Variants in PCDH9 observed in about 807,000 individuals in gnomAD.
PCDH9 encodes the protein protocadherin 9.
A neutral mutation model predicts 70.6 loss-of-function variants in PCDH9; 24 were observed. The observed-to-expected ratio is 0.34, with a 90% CI of 0.25 to 0.48. PCDH9 has a LOEUF of 0.48. Ranked by LOEUF, PCDH9 falls within the 20% of genes least tolerant of loss-of-function variation. The probability of loss-of-function intolerance (pLI) is 0.99; values close to 1 mark genes in which losing one functional copy is unlikely to be tolerated. For missense variants in PCDH9, 1,281 were observed against 1,503.6 expected (o/e 0.85, Z 2.45); for synonymous variants, 562 against 558.5 (o/e 1.01, Z -0.09).
chr13:67,183,739 GA>G (rs1430544409), intron 2 of PCDH9, among the ~76,000 whole-genome samples: 1 of 152,008 alleles, frequency 6.6e-6, no homozygotes, highest in Admixed American at 6.6e-5. Flanking sequence ...AGAAAATTTG[GA>G]AAAACACTTT....
intron 2 of PCDH9, among the ~76,000 whole-genome samples, chr13:66,936,604 T>G (rs1164717672): frequency 1.3e-5 from 2 of 152,150 alleles, no homozygotes; most frequent in South Asian, 2.1e-4. Flanking sequence ...TCTCTTTACA[T>G]AGGCATAGGA....
At chr13:66,570,707 A>G (rs781540454) in intron 4 of PCDH9, among the ~76,000 whole-genome samples, 1 of 152,182 alleles carries the variant, frequency 6.6e-6, no homozygotes, top group Non-Finnish European at 1.5e-5. Flanking sequence ...TTAACTTGAC[A>G]AAGTAGTTAG....
chr13:67,001,394 C>T lies in PCDH9; in HGVS notation c.3037-97789G>A, dbSNP rs116325437. Reference sequence around the variant, plus strand: ...GTTGTAAAGGGGCAAGAATAGGGAGCTATGCCATGCTGCAGGGAATCCCAA... The same window carrying T: ...GTTGTAAAGGGGCAAGAATAGGGAGTTATGCCATGCTGCAGGGAATCCCAA... On this transcript the variant is annotated intron_variant, in intron 2 of 4. Coordinates refer to ENST00000377865, the MANE Select transcript of PCDH9 (RefSeq NM_203487.3). Among the ~76,000 whole-genome samples the T allele has an allele frequency of 2.6e-3, 389 of 152,282 alleles. 5 individuals carry two copies. Among genetic ancestry groups the T allele is most frequent in the African/African-American group, 9.1e-3 (376 of 41,546 alleles).
chr13:66,978,153 C>T (rs952625455), intron 2 of PCDH9, among the ~76,000 whole-genome samples: 2 of 152,056 alleles, frequency 1.3e-5, no homozygotes, highest in Non-Finnish European at 2.9e-5. Flanking sequence ...TTGTTATTGT[C>T]TTGCATTTTA....
At chr13:66,374,882 G>C (rs80098585) in intron 4 of PCDH9, among the ~76,000 whole-genome samples, 2,491 of 152,144 alleles carry the variant, frequency 0.016, 64 homozygotes, top group African/African-American at 0.057. Context: ...TAGAGCTGAA[G>C]GAATAGTAGA....
Position 67,226,698 on chromosome 13 carries a change from C to T in PCDH9, c.1743G>A (p.Val581=). Residue 581 remains valine (V), a synonymous_variant, in exon 2 of 5, where the codon GTG becomes GTA. Coordinates refer to ENST00000377865, the MANE Select transcript of PCDH9 (RefSeq NM_203487.3). The surrounding 1 kb of genome is among the most constrained non-coding windows in gnomAD (Gnocchi z 5.0). ...TACTATACTTTGGCAGATTCTCAGA[C>T]ACAAAAAATTGAAAATGATTATGAG... ...KFTHNHFQFF[V]SENLPKYSTV... is the part of the protein sequence containing the mutation. 1.2e-6 allele frequency: 2 copies of T among 1,614,102 alleles called. No individual in the cohort carries two copies. The highest frequency in any genetic ancestry group is 2.2e-5 in the South Asian group (2 of 91,086).
chr13:66,466,044 G>A (rs1280096547), intron 4 of PCDH9, among the ~76,000 whole-genome samples: 1 of 151,870 alleles, frequency 6.6e-6, no homozygotes, highest in Admixed American at 6.6e-5. Context: ...TAGAAACCTG[G>A]TTCTGAAATT....
At position 67,059,234 on chromosome 13, in the gene PCDH9, T is replaced by C. The variant is rs1174413212; in HGVS notation, c.3037-155629A>G. ...TGCAATAGACATCAGCTCCCTACGG[T>C]GTGCTAGCATTATTCTAGATGCTGA... On this transcript the variant is annotated intron_variant, in intron 2 of 4. Transcript: ENST00000377865. Among the ~76,000 whole-genome samples the C allele has an allele frequency of 4.0e-5, 6 of 151,524 alleles. No individual in the cohort carries two copies. The East Asian group carries it at 1.2e-3, about 30-fold the overall frequency.
At chr13:67,067,604 CT>C (rs71110627) in intron 2 of PCDH9, among the ~76,000 whole-genome samples, 6 of 151,374 alleles carry the variant, frequency 4.0e-5, no homozygotes, top group Non-Finnish European at 2.9e-5. Context: ...TTTTTAAATA[CT>C]TTTTTTAAAA....
At chr13:66,642,797 T>C (rs1472390626) in intron 3 of PCDH9, among the ~76,000 whole-genome samples, 1 of 151,894 alleles carries the variant, frequency 6.6e-6, no homozygotes, top group Non-Finnish European at 1.5e-5. Flanking sequence ...ATTAGAAAAG[T>C]GGAATTCCAA....
At chr13:66,540,001 C>A (rs1332395338) in intron 4 of PCDH9, among the ~76,000 whole-genome samples, 1 of 151,164 alleles carries the variant, frequency 6.6e-6, no homozygotes, top group Non-Finnish European at 1.5e-5. Flanking sequence ...TCCTGAGTAG[C>A]TGAGATTACA....
intron 2 of PCDH9, among the ~76,000 whole-genome samples, chr13:67,062,264 C>CA (rs1163507912): frequency 6.6e-6 from 1 of 152,110 alleles, no homozygotes; most frequent in African/African-American, 2.4e-5. Context: ...AAAAATACAG[C>CA]ACATTTAAGC....
chr13:66,522,956 G>A (rs1351159536), intron 4 of PCDH9, among the ~76,000 whole-genome samples: 1 of 152,036 alleles, frequency 6.6e-6, no homozygotes, highest in East Asian at 1.9e-4. Context: ...TTGTCTGCTA[G>A]CAAATAATAT....
chr13:66,814,140 G>A (rs917331638), intron 3 of PCDH9, among the ~76,000 whole-genome samples: 2 of 152,118 alleles, frequency 1.3e-5, no homozygotes, highest in Admixed American at 1.3e-4. Flanking sequence ...ATATTTTATG[G>A]AGGTACTTAA....
At chr13:66,318,054 A>G (rs2138079677) in intron 4 of PCDH9, among the ~76,000 whole-genome samples, 1 of 152,258 alleles carries the variant, frequency 6.6e-6, no homozygotes, top group Non-Finnish European at 1.5e-5. Context: ...TGGCCTGTAT[A>G]ATAGAGTTTG....
At chr13:67,130,079 A>G (rs1397818765) in intron 2 of PCDH9, among the ~76,000 whole-genome samples, 1 of 152,176 alleles carries the variant, frequency 6.6e-6, no homozygotes, top group Non-Finnish European at 1.5e-5. Flanking sequence ...ATGGGAAGGC[A>G]GAGAAGAGTC....
chr13:66,709,794 T>A (rs894774078), intron 3 of PCDH9, among the ~76,000 whole-genome samples: 1 of 152,098 alleles, frequency 6.6e-6, no homozygotes. Context: ...AACAGGCAGG[T>A]TTAATGGAAT....
intron 3 of PCDH9, among the ~76,000 whole-genome samples, chr13:66,693,371 G>A (rs1181460682): frequency 6.6e-6 from 1 of 151,848 alleles, no homozygotes; most frequent in Non-Finnish European, 1.5e-5. Flanking sequence ...AAAACACTTT[G>A]ATCTAAGATA....
intron 2 of PCDH9, among the ~76,000 whole-genome samples, chr13:66,907,086 C>T (rs532772720): frequency 8.6e-4 from 131 of 152,098 alleles, no homozygotes; most frequent in African/African-American, 3.2e-3. Flanking sequence ...TGCCTGTAAT[C>T]CCAGCTACTT....
Sources: gnomAD v4.1 joint callset for allele counts (sites outside exome capture counted in the v4.1 genomes callset) on GRCh38, gnomAD v4.1.1 for gene constraint, Gnocchi (gnomAD v3.1) non-coding constraint, MANE v1.5 for transcripts, NCBI Gene and HGNC (gene_info 2026-07-23, HGNC 2026-07-21) for gene names.